Variants in XPR1 observed in about 807,000 individuals in gnomAD.
XPR1 encodes the protein solute carrier family 53 member 1.
XPR1 carries 28 observed loss-of-function variants against 87.5 expected under a neutral mutation model. That is an observed-to-expected ratio of 0.32 (90% confidence interval 0.24 to 0.44). The LOEUF (loss-of-function observed/expected upper bound fraction) is 0.44, where lower values mean the gene tolerates loss of function less well. Ranked by LOEUF, XPR1 falls within the 20% of genes least tolerant of loss-of-function variation. The pLI, the probability that XPR1 is intolerant of heterozygous loss-of-function variation, is 1.00. For synonymous variants in XPR1, 300 were observed against 306.1 expected (o/e 0.98, Z 0.21); for missense variants, 559 against 862.3 (o/e 0.65, Z 4.41).
At chr1:180,821,046 T>C (rs973604593) in intron 7 of XPR1, among the ~76,000 whole-genome samples, 1 of 152,128 alleles carries the variant, frequency 6.6e-6, no homozygotes, top group Admixed American at 6.5e-5. Flanking sequence ...ACTGATGTTT[T>C]AAATTTTGAT....
Position 180,776,470 on chromosome 1 carries a change from T to C in XPR1, c.122-11283T>C, listed in dbSNP as rs141179481. Among the ~76,000 whole-genome samples, 487 of 152,096 alleles carry C rather than the reference T, an allele frequency of 3.2e-3. 4 individuals are homozygous for C. Among genetic ancestry groups the C allele is most frequent in the African/African-American group, 0.011 (451 of 41,534 alleles). ...TAATGGAATAATTGTATAATGGAAA[T>C]TATACAATTTCCATTATACAATTAA... On this transcript the variant is annotated intron_variant, in intron 2 of 14. Transcript: ENST00000367590.
chr1:180,815,318 G>A (rs1381108291), intron 7 of XPR1, among the ~76,000 whole-genome samples: 1 of 152,024 alleles, frequency 6.6e-6, no homozygotes, highest in Non-Finnish European at 1.5e-5. Context: ...TGTGTGCTGT[G>A]TATGCATTTA....
chr1:180,682,442 C>T (rs1656609000), intron 2 of XPR1, 31 bp downstream of exon 2: 1 of 1,570,420 alleles, frequency 6.4e-7, no homozygotes, highest in Non-Finnish European at 8.7e-7. Context: ...AGTTTAGTCA[C>T]AGAAAACCTC....
intron 1 of XPR1, among the ~76,000 whole-genome samples, chr1:180,645,131 T>C (rs1655074611): frequency 1.3e-5 from 2 of 152,242 alleles, no homozygotes; most frequent in South Asian, 4.1e-4. Flanking sequence ...AGACACACTT[T>C]TAAGTCCACC....
rs537549948 is a variant in XPR1 at position 180,641,690 on chromosome 1, T to C, written c.69+9420T>C. 2.0e-5 allele frequency among the ~76,000 whole-genome samples: 3 copies of C among 152,308 alleles called. No homozygotes were observed. The East Asian group carries it at 5.8e-4, about 29-fold the overall frequency. ...ATTTTAGTTCTTTTCAATTTTCTAG[T>C]GAAAATTTAATTTTTAATCTTTTTT... On this transcript the variant is annotated intron_variant, in intron 1 of 14. Transcript: ENST00000367590.
Position 180,803,442 on chromosome 1 carries a change from C to T in XPR1, c.278C>T (p.Ser93Leu), listed in dbSNP as rs751536472. Residue 93 changes from serine (S) to leucine (L), a missense_variant, in exon 4 of 15, where the codon TCA becomes TTA. By Grantham distance (145) the Ser-to-Leu change is moderately radical. Around this residue, in one of 7 missense-constraint regions of XPR1, gnomAD observed 159 missense variants for 263.3 expected, o/e 0.60. Coordinates refer to ENST00000367590, the MANE Select transcript of XPR1 (RefSeq NM_004736.4). ...GCTACACTTCAGAATGAGCTTCAGT[C>T]ATCACTGGATGCACAGAAAGAAAGC... ...RFATLQNELQ[S>L]SLDAQKESTG... 103 of 1,613,958 alleles carry T rather than the reference C, an allele frequency of 6.4e-5. No individual in the cohort carries two copies. Among genetic ancestry groups the T allele is most frequent in the Admixed American group, 1.3e-4 (8 of 60,010 alleles).
At chr1:180,654,798 G>A (rs1655400604) in intron 1 of XPR1, among the ~76,000 whole-genome samples, 1 of 152,014 alleles carries the variant, frequency 6.6e-6, no homozygotes, top group Admixed American at 6.6e-5. Flanking sequence ...ATTGAAAGAC[G>A]CTTGGGTTGC....
intron 3 of XPR1, among the ~76,000 whole-genome samples, chr1:180,796,432 T>C (rs532475145): frequency 6.5e-4 from 99 of 152,334 alleles, no homozygotes; most frequent in Admixed American, 2.9e-3. Context: ...CGGATTCTCA[T>C]AGGCTCCTCT....
chr1:180,718,675 T>TA (rs889026144), intron 2 of XPR1, among the ~76,000 whole-genome samples: 4 of 151,130 alleles, frequency 2.6e-5, no homozygotes, highest in African/African-American at 9.7e-5. Context: ...CTGTATTTTT[T>TA]TTTTTTTTTT....
chr1:180,885,043 C>T lies in XPR1; in HGVS notation c.*977C>T, dbSNP rs1422562671. ...TGGAATACACTGGCCCATATTTCAA[C>T]CTTAACAGCTGAAGCTATGCCTTAT... On this transcript the variant is annotated 3_prime_UTR_variant, in exon 15 of 15. Coordinates refer to ENST00000367590, the MANE Select transcript of XPR1 (RefSeq NM_004736.4). The T allele has an allele frequency of 6.6e-6, 1 of 152,482 alleles. No homozygotes were observed. The highest frequency in any genetic ancestry group is 1.5e-5 in the Non-Finnish European group (1 of 68,042). The allele number at this position is 152,482 out of a possible 1,614,324, so 9.4% of individuals were successfully genotyped here.
chr1:180,865,430 T>G (rs1406899767), intron 12 of XPR1, among the ~76,000 whole-genome samples: 1 of 151,432 alleles, frequency 6.6e-6, no homozygotes, highest in Admixed American at 6.6e-5. Flanking sequence ...AGACAGAGTC[T>G]TGCTCTGTCA....
At chr1:180,876,904 T>C (rs1189057408) in intron 13 of XPR1, among the ~76,000 whole-genome samples, 3 of 152,092 alleles carry the variant, frequency 2.0e-5, no homozygotes, top group African/African-American at 7.2e-5. Context: ...GAAAAAGAAC[T>C]ATCATAATTG....
chr1:180,688,381 G>A (rs1042986988), intron 2 of XPR1, among the ~76,000 whole-genome samples: 12 of 151,768 alleles, frequency 7.9e-5, no homozygotes, highest in Admixed American at 2.0e-4. Flanking sequence ...GAGCCACTGC[G>A]CCCAGCCTAT....
chr1:180,838,219 A>G (rs1240410372), intron 11 of XPR1, among the ~76,000 whole-genome samples: 2 of 152,212 alleles, frequency 1.3e-5, no homozygotes, highest in Non-Finnish European at 2.9e-5. Context: ...TAAGAACATC[A>G]TAAGGAAGAG....
chr1:180,849,888 G>A (rs1045315541), intron 11 of XPR1, among the ~76,000 whole-genome samples: 7 of 152,144 alleles, frequency 4.6e-5, no homozygotes, highest in South Asian at 2.1e-4. Flanking sequence ...AGGTACATGC[G>A]TGCGCACACC....
At chr1:180,836,480 CT>C (rs1651298305) in intron 10 of XPR1, 41 bp from the exon 11 acceptor site, 5 of 1,610,280 alleles carry the variant, frequency 3.1e-6, no homozygotes, top group African/African-American at 1.3e-5. Context: ...GAACAAGTTA[CT>C]TTTTTTCAAT....
intron 2 of XPR1, among the ~76,000 whole-genome samples, chr1:180,769,086 TA>T (rs1271371405): frequency 1.3e-5 from 2 of 152,088 alleles, no homozygotes; most frequent in Non-Finnish European, 2.9e-5. Context: ...TTTAACTCAA[TA>T]TTTTTTCGTT....
intron 2 of XPR1, among the ~76,000 whole-genome samples, chr1:180,725,380 T>A (rs1658303841): frequency 6.6e-6 from 1 of 151,882 alleles, no homozygotes; most frequent in East Asian, 1.9e-4. Flanking sequence ...AGGGTAAAAA[T>A]TTGGGGGAAA....
intron 2 of XPR1, among the ~76,000 whole-genome samples, chr1:180,761,770 G>T (rs1648040909): frequency 6.6e-6 from 1 of 151,990 alleles, no homozygotes; most frequent in African/African-American, 2.4e-5. Context: ...CCCATTACTG[G>T]GTATATACCC....
Sources: gnomAD v4.1 joint callset for allele counts (sites outside exome capture counted in the v4.1 genomes callset) on GRCh38, gnomAD v4.1.1 for gene constraint, gnomAD v4.1.1 regional missense constraint, MANE v1.5 for transcripts, NCBI Gene and HGNC (gene_info 2026-07-23, HGNC 2026-07-21) for gene names.